ATXN10: variants seen among roughly 807,000 people sequenced by gnomAD.
The protein encoded by ATXN10 is ataxin 10, also known as ataxin-10.
Under a neutral mutation model 52.9 loss-of-function variants are expected in ATXN10, and 28 were observed. The ratio of observed to expected loss-of-function variants is 0.53; its 90% CI spans 0.39 to 0.73. The LOEUF (loss-of-function observed/expected upper bound fraction) is 0.73. ATXN10 is among the 30% of genes least tolerant of loss of function. ATXN10 has a pLI of 0.00. For missense variants in ATXN10, 565 were observed against 577.0 expected (o/e 0.98, Z 0.21); for synonymous variants, 226 against 221.5 (o/e 1.02, Z -0.18).
rs770274640 is a variant in ATXN10, at chr22:45,729,697, A to G, written c.894+107A>G. The G allele has an allele frequency of 5.2e-6, 6 of 1,164,218 alleles. No homozygotes were observed. In the East Asian group the frequency reaches 1.5e-4, roughly 29 times the overall value. 72.1% of individuals were successfully genotyped at this position (1,164,218 alleles called of 1,614,324 possible). Reference sequence around the variant, plus strand: ...TTTTTTAAAAGCTTTAAAAAATATTATGTAAGTAATGTATCCATATATGAG... The same window carrying G: ...TTTTTTAAAAGCTTTAAAAAATATTGTGTAAGTAATGTATCCATATATGAG... On this transcript the variant is annotated intron_variant, in intron 7 of 11. Transcript: ENST00000252934.
intron 1 of ATXN10, among the ~76,000 whole-genome samples, chr22:45,682,053 T>G (rs1049820727): frequency 6.6e-6 from 1 of 152,184 alleles, no homozygotes; most frequent in African/African-American, 2.4e-5. Context: ...TCCAGCAGTC[T>G]TCTTCTCTCC....
rs1922756137 is a variant in ATXN10 at position 45,677,682 on chromosome 22, AAAAT to A, written c.116+5507_116+5510del. The A allele has an allele frequency of 6.6e-6, 1 of 152,230 alleles. No individual in the cohort carries two copies. The allele number at this position is 152,230 out of a possible 1,614,324, so 9.4% of individuals were successfully genotyped here. A position where few individuals can be genotyped will look rare whatever the true frequency, so the allele number is the denominator to read the frequency against. On this transcript the variant is annotated intron_variant, in intron 1 of 11. Transcript: ENST00000252934. This position sits in a 1 kb window ranked among gnomAD's most constrained non-coding sequence, Gnocchi z 4.1. Reference sequence around the variant, plus strand: ...GGGCAAAATCTGTGCTTTACAAAGAAAAATAAAGGCCAATAAGCGTATGATAAAG... The same window carrying A: ...GGGCAAAATCTGTGCTTTACAAAGAAAAAGGCCAATAAGCGTATGATAAAG...
chr22:45,751,659 T>G (rs1925954818), intron 9 of ATXN10, among the ~76,000 whole-genome samples: 1 of 151,106 alleles, frequency 6.6e-6, no homozygotes, highest in African/African-American at 2.4e-5. Flanking sequence ...TGTCTATATA[T>G]CTCCCCAGGC....
chr22:45,673,659 G>A (rs1211876104), intron 1 of ATXN10: 2 of 152,114 alleles, frequency 1.3e-5, no homozygotes, highest in African/African-American at 4.8e-5. Context: ...AGGCATATTT[G>A]GGAAATAGCT....
rs143062917 is a variant in ATXN10 at position 45,825,650 on chromosome 22, G to T, written c.1238-17341G>T. Among the ~76,000 whole-genome samples, 50 of 152,262 alleles carry T rather than the reference G, an allele frequency of 3.3e-4. 1 individual carries two copies. Among genetic ancestry groups the T allele is most frequent in the Middle Eastern group, 3.4e-3 (1 of 294 alleles). On this transcript the variant is annotated intron_variant, in intron 10 of 11. Transcript: ENST00000252934. This position sits in a 1 kb window ranked among gnomAD's most constrained non-coding sequence, Gnocchi z 4.5. ...ATCATAAGGCATACATAAGAAACAG[G>T]AAAGTAGGCCCATTCAAGGGGGAAA...
chr22:45,768,291 A>C (rs1926658516), intron 9 of ATXN10, among the ~76,000 whole-genome samples: 1 of 152,154 alleles, frequency 6.6e-6, no homozygotes, highest in Non-Finnish European at 1.5e-5. Context: ...ATAGATGTAC[A>C]AGAAAGTTGC....
chr22:45,741,637 T>C lies in ATXN10; in HGVS notation c.1173+1099T>C, dbSNP rs190353023. On this transcript the variant is annotated intron_variant, in intron 9 of 11. Coordinates refer to ENST00000252934, the MANE Select transcript of ATXN10 (RefSeq NM_013236.4). ...TAGATCAGGGCCCCCCTACTGGGCA[T>C]AGTCCTTCCTGAATTTATGACCCAT... Among the ~76,000 whole-genome samples, 447 of 152,168 alleles carry C rather than the reference T, an allele frequency of 2.9e-3. 2 individuals are homozygous for C. Among genetic ancestry groups the C allele is most frequent in the South Asian group, 8.7e-3 (42 of 4,822 alleles).
intron 9 of ATXN10, among the ~76,000 whole-genome samples, chr22:45,773,915 G>A (rs1926863097): frequency 6.6e-6 from 1 of 152,210 alleles, no homozygotes; most frequent in Admixed American, 6.5e-5. Context: ...TTTATCCACA[G>A]GTGTATTTCT....
At position 45,732,806 on chromosome 22, in the gene ATXN10, A is replaced by AC. The variant is rs1279195793; in HGVS notation, c.894+3220dup. Reference sequence around the variant, plus strand: ...TCAGGGTTTTCCACCTGCCTCTTCCACCCCAGCCATTCTTCTGCCAAACCA... The same window carrying AC: ...TCAGGGTTTTCCACCTGCCTCTTCCACCCCCAGCCATTCTTCTGCCAAACCA... On this transcript the variant is annotated intron_variant, in intron 7 of 11. Coordinates refer to ENST00000252934, the MANE Select transcript of ATXN10 (RefSeq NM_013236.4). The surrounding 1 kb of genome is among the most constrained non-coding windows in gnomAD (Gnocchi z 4.5). Among the ~76,000 whole-genome samples the AC allele has an allele frequency of 3.9e-5, 6 of 152,070 alleles. No individual in the cohort carries two copies. The highest frequency in any genetic ancestry group is 1.4e-4 in the African/African-American group (6 of 41,396).
At chr22:45,672,434 G>T (rs1218380058) in intron 1 of ATXN10, 1 of 211,256 alleles carries the variant, frequency 4.7e-6, no homozygotes, top group African/African-American at 2.3e-5. Flanking sequence ...CGCGATCCCG[G>T]GAGCCCTTGC....
chr22:45,716,139 C>A (rs751958971), intron 5 of ATXN10, among the ~76,000 whole-genome samples: 2 of 152,026 alleles, frequency 1.3e-5, no homozygotes, highest in Non-Finnish European at 2.9e-5. Context: ...GTGGCACATG[C>A]GTGTAGTTCT....
Position 45,805,086 on chromosome 22 carries a change from G to A in ATXN10, c.1174-1873G>A, listed in dbSNP as rs543561582. ...GCAACCCCCATTCGTGGAGACTTGA[G>A]TTGTTTCATAATAAGTTGTGCTGCA... On this transcript the variant is annotated intron_variant, in intron 9 of 11. Transcript: ENST00000252934. This position sits in a 1 kb window ranked among gnomAD's most constrained non-coding sequence, Gnocchi z 4.4. Among the ~76,000 whole-genome samples, 9 of 152,180 alleles carry A rather than the reference G, an allele frequency of 5.9e-5. No homozygotes were observed. The highest frequency in any genetic ancestry group is 1.3e-4 in the Non-Finnish European group (9 of 68,034).
intron 8 of ATXN10, among the ~76,000 whole-genome samples, chr22:45,740,116 C>CT (rs1044341813): frequency 2.0e-5 from 3 of 152,116 alleles, no homozygotes; most frequent in Non-Finnish European, 4.4e-5. Context: ...AATAGAAACT[C>CT]TGAGTTGGGG....
Position 45,800,697 on chromosome 22 carries a change from A to G in ATXN10, c.1174-6262A>G, listed in dbSNP as rs376892649. 1.4e-4 allele frequency among the ~76,000 whole-genome samples: 22 copies of G among 152,382 alleles called. No homozygotes were observed. The South Asian group carries it at 4.6e-3, about 32-fold the overall frequency. On this transcript the variant is annotated intron_variant, in intron 9 of 11. Coordinates refer to ENST00000252934, the MANE Select transcript of ATXN10 (RefSeq NM_013236.4). ...TAAAACTGGTATCAACCCAGTGGCCATCAACACATGAGTGGATAAATAAAT... is the reference window on the plus strand; with the variant it reads ...TAAAACTGGTATCAACCCAGTGGCCGTCAACACATGAGTGGATAAATAAAT...
intron 9 of ATXN10, among the ~76,000 whole-genome samples, chr22:45,761,665 A>AT (rs914140121): frequency 5.3e-5 from 8 of 152,046 alleles, no homozygotes; most frequent in Non-Finnish European, 5.9e-5. Flanking sequence ...TTATTTATCT[A>AT]TTTTTTTATC....
chr22:45,802,415 A>G (rs1288555581), intron 9 of ATXN10, among the ~76,000 whole-genome samples: 1 of 152,220 alleles, frequency 6.6e-6, no homozygotes, highest in Non-Finnish European at 1.5e-5. Flanking sequence ...GTAAACTTGG[A>G]CTTTGTAAAA....
rs1404555730 is a variant in ATXN10 at position 45,837,082 on chromosome 22, A to G, written c.1238-5909A>G. 6.6e-6 allele frequency among the ~76,000 whole-genome samples: 1 copy of G among 152,218 alleles called. No homozygotes were observed. Among genetic ancestry groups the G allele is most frequent in the Non-Finnish European group, 1.5e-5 (1 of 68,046 alleles). On this transcript the variant is annotated intron_variant, in intron 10 of 11. Transcript: ENST00000252934. This position sits in a 1 kb window ranked among gnomAD's most constrained non-coding sequence, Gnocchi z 5.8. ...TTATCTAAAAAGAGTTTTAAAATAT[A>G]TGTCCTGGATGCGAAAACAATGCAG... is the stretch of plus-strand genomic sequence containing the variant.
In ATXN10 at chr22:45,727,325, C is replaced by CTGTCTA. The variant is rs1555890569; in HGVS notation, c.729-2099_729-2098insGTCTAT. 3.3e-4 allele frequency among the ~76,000 whole-genome samples: 41 copies of CTGTCTA among 124,222 alleles called. No individual in the cohort carries two copies. Among genetic ancestry groups the CTGTCTA allele is most frequent in the Non-Finnish European group, 5.7e-4 (34 of 59,218 alleles). 81.5% of individuals were successfully genotyped at this position (124,222 alleles called of 152,430 possible). On this transcript the variant is annotated intron_variant, in intron 6 of 11. Coordinates refer to ENST00000252934, the MANE Select transcript of ATXN10 (RefSeq NM_013236.4). This position sits in a 1 kb window ranked among gnomAD's most constrained non-coding sequence, Gnocchi z 4.6. ...GATATAGTTCTGTCTGTCTGTCTAT[C>CTGTCTA]TATCTATATCTATCTATCTATCTAT...
chr22:45,704,420 G>A (rs1923960625), intron 5 of ATXN10, among the ~76,000 whole-genome samples: 1 of 151,926 alleles, frequency 6.6e-6, no homozygotes, highest in South Asian at 2.1e-4. Context: ...ATGAATAGAG[G>A]ATATTCATTT....
Sources: allele counts gnomAD v4.1 joint callset (sites outside exome capture counted in the v4.1 genomes callset), GRCh38; gene constraint gnomAD v4.1.1; non-coding constraint Gnocchi (gnomAD v3.1); transcripts MANE v1.5; gene names NCBI Gene and HGNC (gene_info 2026-07-23, HGNC 2026-07-21).